Variants in SLC9C2 observed in about 807,000 individuals in gnomAD.
SLC9C2 encodes the protein sodium/hydrogen exchanger 11.
A neutral mutation model predicts 140.2 loss-of-function variants in SLC9C2; 75 were observed. The ratio of observed to expected loss-of-function variants is 0.53; its 90% CI spans 0.44 to 0.65. SLC9C2 has a LOEUF of 0.65. Ranked by LOEUF, SLC9C2 falls within the 30% of genes least tolerant of loss-of-function variation. The pLI is 0.00. For missense variants in SLC9C2, 1,074 were observed against 1,331.8 expected, an observed-to-expected ratio of 0.81 and a Z score of 3.01; for synonymous variants, 375 against 420.9, an observed-to-expected ratio of 0.89 and a Z score of 1.34.
chr1:173,600,765 TCC>T lies in SLC9C2; in HGVS notation c.128-550_128-549del, dbSNP rs534341053. On this transcript the variant is annotated intron_variant, in intron 2 of 27. Coordinates refer to ENST00000367714, the MANE Select transcript of SLC9C2 (RefSeq NM_178527.4). ...GTCTCTATAAAGGATATAGAGCTAG[TCC>T]ATGGTCATCAGCAACTTGTGATATC... 8.2e-3 allele frequency among the ~76,000 whole-genome samples: 1,256 copies of T among 152,252 alleles called. 18 individuals are homozygous for T. Among genetic ancestry groups the T allele is most frequent in the African/African-American group, 0.029 (1,204 of 41,540 alleles).
At position 173,554,506 on chromosome 1, in the gene SLC9C2, GA is replaced by G. The variant is rs536381769; in HGVS notation, c.1297+226del. On this transcript the variant is annotated intron_variant, in intron 11 of 27. Coordinates refer to ENST00000367714, the MANE Select transcript of SLC9C2 (RefSeq NM_178527.4). The stretch of plus-strand genomic sequence containing the variant: ...ACACTTCTGGACTTTTTGGTGGAGG[GA>G]AAAAAAAACCTTCTGTCTTGTTTAA... 6.9e-3 allele frequency among the ~76,000 whole-genome samples: 1,039 copies of G among 150,490 alleles called. 6 individuals carry two copies. The highest frequency in any genetic ancestry group is 0.022 in the African/African-American group (921 of 41,118).
At chr1:173,517,365 G>A (rs536646797) in intron 23 of SLC9C2, among the ~76,000 whole-genome samples, 172 bp downstream of exon 23, 1 of 152,280 alleles carries the variant, frequency 6.6e-6, no homozygotes, top group East Asian at 1.9e-4. Context: ...AGGATGCAGT[G>A]GAGCTTGGCA....
intron 9 of SLC9C2, among the ~76,000 whole-genome samples, chr1:173,566,616 T>G (rs1664488291): frequency 6.6e-6 from 1 of 152,042 alleles, no homozygotes; most frequent in Admixed American, 6.5e-5. Context: ...GTTTATCTTT[T>G]CAAAAAACCA....
intron 2 of SLC9C2, among the ~76,000 whole-genome samples, chr1:173,600,957 A>T (rs1203278759): frequency 2.6e-5 from 4 of 152,142 alleles, no homozygotes; most frequent in African/African-American, 9.7e-5. Flanking sequence ...CTTTTTCCTA[A>T]TCCCTAGTGT....
At chr1:173,507,554 C>A (rs1209078786) in intron 24 of SLC9C2, among the ~76,000 whole-genome samples, 2 of 152,036 alleles carry the variant, frequency 1.3e-5, no homozygotes, top group Non-Finnish European at 2.9e-5. Context: ...AATTCTTATG[C>A]TGAAGTCCTA....
Position 173,599,908 on chromosome 1 carries a change from T to C in SLC9C2, c.228+209A>G, listed in dbSNP as rs117169010. Among the ~76,000 whole-genome samples the C allele has an allele frequency of 2.1e-3, 320 of 152,216 alleles. 10 individuals carry two copies. The East Asian group carries it at 0.053, about 25-fold the overall frequency. On this transcript the variant is annotated intron_variant, in intron 3 of 27. Transcript: ENST00000367714. ...CGTCAGCCACCGCACCTGGCCACAT[T>C]TTCCTCTTATTACTGCTTTTTTGAA...
At chr1:173,523,197 C>T (rs924264006) in intron 21 of SLC9C2, among the ~76,000 whole-genome samples, 1 of 151,992 alleles carries the variant, frequency 6.6e-6, no homozygotes, top group African/African-American at 2.4e-5. Flanking sequence ...CATGATGAAA[C>T]CCCGTCTCTA....
intron 4 of SLC9C2, among the ~76,000 whole-genome samples, chr1:173,591,374 T>C (rs1173960487): frequency 6.6e-6 from 1 of 152,218 alleles, no homozygotes; most frequent in Admixed American, 6.5e-5. Flanking sequence ...TGATTTATAG[T>C]CCTTTGGGTA....
Position 173,537,149 on chromosome 1 carries a change from T to A in SLC9C2, c.1558-110A>T. 3 of 771,462 alleles carry A rather than the reference T, an allele frequency of 3.9e-6. No homozygotes were observed. In the South Asian group the frequency reaches 5.1e-5, roughly 13 times the overall value. 47.8% of individuals were successfully genotyped at this position (771,462 alleles called of 1,614,324 possible). The stretch of plus-strand genomic sequence containing the variant: ...TATTACTGAACTCAATATATCAAAA[T>A]ATGCCATTACAAAAAATTATGTAGT... On this transcript the variant is annotated intron_variant, in intron 13 of 27. Coordinates refer to ENST00000367714, the MANE Select transcript of SLC9C2 (RefSeq NM_178527.4).
At chr1:173,531,050 G>A (rs545886770) in intron 17 of SLC9C2, among the ~76,000 whole-genome samples, 1 of 152,124 alleles carries the variant, frequency 6.6e-6, no homozygotes, top group Admixed American at 6.5e-5. Context: ...ATTCTTTCAC[G>A]TTTTCCAATG....
intron 11 of SLC9C2, 144 bp downstream of exon 11, chr1:173,554,589 G>A (rs1387087967): frequency 1.6e-6 from 1 of 633,112 alleles, no homozygotes; most frequent in African/African-American, 1.9e-5. Flanking sequence ...AAGTAATACA[G>A]CATCTAAATA....
intron 11 of SLC9C2, among the ~76,000 whole-genome samples, chr1:173,549,867 T>C (rs1426668759): frequency 6.6e-6 from 1 of 152,158 alleles, no homozygotes; most frequent in African/African-American, 2.4e-5. Context: ...GTCATGATAG[T>C]ACAATCCCTC....
In SLC9C2 at chr1:173,587,815, A is replaced by G. The variant is rs1210652112; in HGVS notation, c.373T>C (p.Leu125=). ...ATGCTTGCTGTAGAAAAGCTAATTAATCCAGTTAACAAGACCTGTGAACCA... is the reference window on the plus strand; with the variant it reads ...ATGCTTGCTGTAGAAAAGCTAATTAGTCCAGTTAACAAGACCTGTGAACCA... ...KMFWQVLLTG[L]ISFSTASIII... Residue 125 remains leucine, a synonymous_variant, in exon 5 of 28, where the codon TTA becomes CTA. Transcript: ENST00000367714. 1.2e-6 allele frequency: 2 copies of G among 1,612,052 alleles called. No homozygotes were observed. The highest frequency in any genetic ancestry group is 2.7e-5 in the African/African-American group (2 of 74,884).
At chr1:173,540,235 C>T (rs1335657701) in intron 13 of SLC9C2, among the ~76,000 whole-genome samples, 1 of 152,170 alleles carries the variant, frequency 6.6e-6, no homozygotes, top group Non-Finnish European at 1.5e-5. Flanking sequence ...CGAGTGAGGA[C>T]ATCCTGGACC....
chr1:173,532,196 G>C (rs1346951765), intron 17 of SLC9C2, among the ~76,000 whole-genome samples: 1 of 152,144 alleles, frequency 6.6e-6, no homozygotes, highest in Admixed American at 6.6e-5. Context: ...GTGGAGAATG[G>C]GAAGTAGGTG....
chr1:173,581,963 A>C lies in SLC9C2; in HGVS notation c.686T>G (p.Ile229Arg). Residue 229 changes from isoleucine (I) to arginine (R), a missense_variant, in exon 7 of 28, where the codon ATA becomes AGA. Ile to Arg is a moderately conservative substitution (Grantham distance 97, BLOSUM62 -3). Coordinates refer to ENST00000367714, the MANE Select transcript of SLC9C2 (RefSeq NM_178527.4). ...TTTTGCACACCAATATCCAAATATT[A>C]TGCTTCCCAAAATGTCATAGCTGAG... is the stretch of plus-strand genomic sequence containing the variant. ...IELSYDILGS[I>R]IFGYWCAKII... The C allele has an allele frequency of 6.3e-7, 1 of 1,599,548 alleles. No homozygotes were observed. Among genetic ancestry groups the C allele is most frequent in the Non-Finnish European group, 8.5e-7 (1 of 1,170,906 alleles).
chr1:173,561,994 A>T (rs2102128256), intron 9 of SLC9C2, among the ~76,000 whole-genome samples: 1 of 152,286 alleles, frequency 6.6e-6, no homozygotes, highest in South Asian at 2.1e-4. Flanking sequence ...TCCAGCTCAC[A>T]GCTATGTAGT....
chr1:173,517,730 A>G (rs759178726), intron 22 of SLC9C2, 26 bp from the exon 23 acceptor site: 52 of 1,577,240 alleles, frequency 3.3e-5, no homozygotes, highest in Non-Finnish European at 4.4e-5. Context: ...AAGTGTGCAA[A>G]GGGAAAGAAA....
chr1:173,597,591 T>C (rs1666518215), intron 4 of SLC9C2, among the ~76,000 whole-genome samples: 1 of 152,154 alleles, frequency 6.6e-6, no homozygotes, highest in African/African-American at 2.4e-5. Context: ...GATGTGGGAC[T>C]AGAATCCAGA....
Sources: gnomAD v4.1 joint callset for allele counts (sites outside exome capture counted in the v4.1 genomes callset) on GRCh38, gnomAD v4.1.1 for gene constraint, MANE v1.5 for transcripts, NCBI Gene and HGNC (gene_info 2026-07-23, HGNC 2026-07-21) for gene names.